NOL4: variants seen among roughly 807,000 people sequenced by gnomAD.
NOL4 encodes the protein cancer/testis antigen 125.
NOL4 carries 17 observed loss-of-function variants against 75.9 expected under a neutral mutation model. The observed-to-expected ratio is 0.22, with a 90% confidence interval of 0.15 to 0.34. The LOEUF is 0.34. NOL4 is among the 10% of genes least tolerant of loss of function. NOL4 has a pLI of 1.00. For synonymous variants in NOL4, 292 were observed against 289.9 expected, an observed-to-expected ratio of 1.01 and a Z score of -0.07; for missense variants, 614 against 793.5, an observed-to-expected ratio of 0.77 and a Z score of 2.72.
chr18:34,071,838 C>T (rs571271626), intron 5 of NOL4, among the ~76,000 whole-genome samples: 2 of 152,124 alleles, frequency 1.3e-5, no homozygotes, highest in Non-Finnish European at 2.9e-5. Context: ...AGACAAGGAG[C>T]ATCAGTATAT....
chr18:34,112,031 G>T (rs567590129), intron 2 of NOL4, among the ~76,000 whole-genome samples: 6 of 152,232 alleles, frequency 3.9e-5, no homozygotes, highest in African/African-American at 1.4e-4. Flanking sequence ...AGAGATATCT[G>T]CACTCCTATG....
At chr18:34,187,470 G>A (rs546914605) in intron 1 of NOL4, among the ~76,000 whole-genome samples, 2 of 142,746 alleles carry the variant, frequency 1.4e-5, no homozygotes, top group African/African-American at 2.7e-5. Flanking sequence ...TCCGCCTCCC[G>A]GGTTTACGCC....
intron 9 of NOL4, among the ~76,000 whole-genome samples, chr18:33,924,435 G>A (rs956508607): frequency 6.6e-5 from 10 of 152,168 alleles, no homozygotes; most frequent in Non-Finnish European, 1.5e-5. Context: ...ATCCCAGTGA[G>A]TACCTCTCTA....
chr18:34,142,602 G>A (rs868857966), intron 1 of NOL4, among the ~76,000 whole-genome samples: 1 of 152,038 alleles, frequency 6.6e-6, no homozygotes, highest in Non-Finnish European at 1.5e-5. Context: ...AACATCGCAT[G>A]TTCTCACTCA....
At chr18:34,119,219 CCTAA>C (rs1410488744) in intron 2 of NOL4, among the ~76,000 whole-genome samples, 5 of 152,148 alleles carry the variant, frequency 3.3e-5, no homozygotes, top group Admixed American at 6.5e-5. Context: ...GCTTCGGAAT[CCTAA>C]CTACTTATCT....
chr18:33,878,183 A>T (rs1175250196), intron 10 of NOL4, among the ~76,000 whole-genome samples: 1 of 152,138 alleles, frequency 6.6e-6, no homozygotes, highest in Non-Finnish European at 1.5e-5. Flanking sequence ...CCTGTTCATT[A>T]ACAATGCATA....
intron 1 of NOL4, among the ~76,000 whole-genome samples, chr18:34,196,077 C>A (rs2035309250): frequency 6.6e-6 from 1 of 152,064 alleles, no homozygotes; most frequent in South Asian, 2.1e-4. Context: ...TGTATACCTG[C>A]TTTTTATTCT....
intron 1 of NOL4, among the ~76,000 whole-genome samples, chr18:34,208,559 T>A (rs1300966533): frequency 6.6e-6 from 1 of 152,136 alleles, no homozygotes; most frequent in Admixed American, 6.6e-5. Flanking sequence ...AAATGAAAAC[T>A]GTAATTATTG....
At chr18:34,166,178 T>C (rs4132192) in intron 1 of NOL4, among the ~76,000 whole-genome samples, 36,469 of 152,022 alleles carry the variant, frequency 0.24, 5,145 homozygotes, top group East Asian at 0.45. Flanking sequence ...AAGCACATGA[T>C]GAAATGCTGA....
At chr18:34,048,525 C>G in intron 5 of NOL4, 1 of 985,460 alleles carries the variant, frequency 1.0e-6, no homozygotes, top group Non-Finnish European at 1.2e-6. Context: ...AGGCGAGGTC[C>G]AACCTTTCTC....
intron 1 of NOL4, among the ~76,000 whole-genome samples, chr18:34,201,836 A>G (rs1193658776): frequency 2.6e-5 from 4 of 151,856 alleles, no homozygotes; most frequent in Non-Finnish European, 5.9e-5. Context: ...TCATTAATAT[A>G]AATTTTATAT....
chr18:34,097,291 T>C (rs909103883), intron 4 of NOL4, among the ~76,000 whole-genome samples: 1 of 152,202 alleles, frequency 6.6e-6, no homozygotes, highest in Non-Finnish European at 1.5e-5. Flanking sequence ...AAACTTATCA[T>C]CTGCTCAAAT....
chr18:33,917,510 GT>G (rs1176396240), intron 9 of NOL4, among the ~76,000 whole-genome samples: 6 of 151,742 alleles, frequency 4.0e-5, no homozygotes, highest in Non-Finnish European at 8.8e-5. Flanking sequence ...ATTAATTAAT[GT>G]TTTTACAACA....
rs994512799 is a variant in NOL4 at position 34,220,174 on chromosome 18, C to A, written c.264+2816G>T. ...AAAGATAGTCTTGTTTCAATTAAGT[C>A]TATGTGGTGTGTCTACTCTGTTCTA... On this transcript the variant is annotated intron_variant, in intron 1 of 10. Transcript: ENST00000261592. Among the ~76,000 whole-genome samples, 3 of 152,166 alleles carry A rather than the reference C, an allele frequency of 2.0e-5. No individual in the cohort carries two copies. The East Asian group carries it at 5.8e-4, about 29-fold the overall frequency.
intron 9 of NOL4, among the ~76,000 whole-genome samples, chr18:33,914,007 T>C (rs1298767376): frequency 1.3e-5 from 2 of 152,136 alleles, no homozygotes; most frequent in Non-Finnish European, 2.9e-5. Flanking sequence ...ACGAAGTGCC[T>C]TCTCTCAGAG....
intron 10 of NOL4, among the ~76,000 whole-genome samples, chr18:33,855,516 C>T (rs566325326): frequency 3.4e-4 from 52 of 152,130 alleles, no homozygotes; most frequent in African/African-American, 1.2e-3. Context: ...GAGAGTGACA[C>T]AAAAGATACT....
intron 9 of NOL4, among the ~76,000 whole-genome samples, chr18:33,933,666 A>G (rs1041064391): frequency 2.0e-5 from 3 of 152,154 alleles, no homozygotes; most frequent in African/African-American, 7.2e-5. Context: ...CTTTTCATCC[A>G]CTGAAGATTT....
intron 5 of NOL4, among the ~76,000 whole-genome samples, chr18:34,034,870 T>C (rs1555699036): frequency 6.6e-6 from 1 of 152,052 alleles, no homozygotes; most frequent in African/African-American, 2.4e-5. Flanking sequence ...AAGGTCATTA[T>C]GTAATGATAA....
At chr18:34,053,258 T>C (rs1480010118) in intron 5 of NOL4, among the ~76,000 whole-genome samples, 1 of 151,896 alleles carries the variant, frequency 6.6e-6, no homozygotes, top group Non-Finnish European at 1.5e-5. Context: ...AGGCTTTGCA[T>C]ACTCTTAAAT....
Sources: gnomAD v4.1 joint callset for allele counts (sites outside exome capture counted in the v4.1 genomes callset) on GRCh38, gnomAD v4.1.1 for gene constraint, MANE v1.5 for transcripts, NCBI Gene and HGNC (gene_info 2026-07-23, HGNC 2026-07-21) for gene names.